Variants in R3HDM1 observed in about 807,000 individuals in gnomAD.
R3HDM1 encodes R3H domain-containing protein 1.
In R3HDM1, 46 loss-of-function variants were observed where a neutral mutation model predicts 141.1. That is an observed-to-expected ratio of 0.33 (90% CI 0.26 to 0.42). The LOEUF (loss-of-function observed/expected upper bound fraction) is 0.42. R3HDM1 is among the 10% of genes least tolerant of loss of function. The pLI is 1.00. For synonymous variants in R3HDM1, 435 were observed against 472.9 expected (o/e 0.92, Z 1.04); for missense variants, 1,184 against 1,368.3 (o/e 0.87, Z 2.12).
At chr2:135,555,215 T>C (rs1381576221) in intron 1 of R3HDM1, among the ~76,000 whole-genome samples, 1 of 151,006 alleles carries the variant, frequency 6.6e-6, no homozygotes, top group Non-Finnish European at 1.5e-5. Flanking sequence ...CAGAATTGCT[T>C]GAACCCAGGA....
intron 1 of R3HDM1, among the ~76,000 whole-genome samples, chr2:135,583,010 C>T (rs942378162): frequency 1.3e-5 from 2 of 152,250 alleles, no homozygotes; most frequent in East Asian, 1.9e-4. Context: ...CTTAACATTT[C>T]GGCACATTTG....
chr2:135,558,752 G>T (rs1242122512), intron 1 of R3HDM1, among the ~76,000 whole-genome samples: 3 of 152,110 alleles, frequency 2.0e-5, no homozygotes, highest in Non-Finnish European at 4.4e-5. Flanking sequence ...GAGATTTAGG[G>T]ATGAACATTT....
intron 1 of R3HDM1, among the ~76,000 whole-genome samples, chr2:135,598,037 G>A (rs2059335882): frequency 2.0e-5 from 3 of 152,140 alleles, no homozygotes; most frequent in Admixed American, 1.3e-4. Context: ...TTTCACTAGA[G>A]AAACTACTTG....
At chr2:135,638,401 T>C (rs1276218191) in intron 11 of R3HDM1, among the ~76,000 whole-genome samples, 2 of 152,302 alleles carry the variant, frequency 1.3e-5, no homozygotes, top group East Asian at 3.9e-4. Context: ...AGCCACAAAA[T>C]GAATAGTTTC....
intron 26 of R3HDM1, among the ~76,000 whole-genome samples, chr2:135,722,846 G>A (rs1208505212): frequency 1.3e-5 from 2 of 152,224 alleles, no homozygotes; most frequent in Middle Eastern, 3.4e-3. Flanking sequence ...TTGAGAAAGG[G>A]TTTGTCCTTA....
chr2:135,648,917 A>T, intron 16 of R3HDM1, among the ~76,000 whole-genome samples: 1 of 146,892 alleles, frequency 6.8e-6, no homozygotes, highest in African/African-American at 2.7e-5. Context: ...GTACTATCTT[A>T]ATAGAAATGT....
intron 3 of R3HDM1, among the ~76,000 whole-genome samples, chr2:135,610,015 G>A (rs980107852): frequency 6.6e-6 from 1 of 151,942 alleles, no homozygotes; most frequent in Non-Finnish European, 1.5e-5. Context: ...CTCTACTCCA[G>A]CCTGGGTGAC....
At chr2:135,634,437 G>T (rs2063056536) in intron 9 of R3HDM1, among the ~76,000 whole-genome samples, 1 of 152,044 alleles carries the variant, frequency 6.6e-6, no homozygotes, top group Admixed American at 6.6e-5. Flanking sequence ...GGTCGGGAGT[G>T]TGCAACCAGC....
At chr2:135,699,075 T>TTAGATAGATAGATAGATAGATAGA (rs59211429) in intron 21 of R3HDM1, among the ~76,000 whole-genome samples, 2,443 of 131,956 alleles carry the variant, frequency 0.019, 68 homozygotes, top group Middle Eastern at 0.034. Context: ...ATTAGATAGA[T>TTAGATAGATAGATAGATAGATAGA]TAGATAGATA....
intron 1 of R3HDM1, among the ~76,000 whole-genome samples, chr2:135,549,654 T>TA (rs1433377977): frequency 2.0e-5 from 3 of 152,000 alleles, no homozygotes; most frequent in African/African-American, 7.2e-5. Flanking sequence ...ATACCCAGCT[T>TA]ATATAGTTCC....
At chr2:135,615,043 GAAAC>G (rs1334595009) in intron 3 of R3HDM1, among the ~76,000 whole-genome samples, 1 of 152,046 alleles carries the variant, frequency 6.6e-6, no homozygotes, top group Non-Finnish European at 1.5e-5. Context: ...TTCTGTATAA[GAAAC>G]AAAGTCATTT....
At chr2:135,659,049 C>CTGTGTGTGTG (rs548436817) in intron 18 of R3HDM1, among the ~76,000 whole-genome samples, 8,305 of 126,314 alleles carry the variant, frequency 0.066, 494 homozygotes, top group East Asian at 0.24. Flanking sequence ...CTACCTGAGT[C>CTGTGTGTGTG]TGTGTGTGTG....
intron 1 of R3HDM1, among the ~76,000 whole-genome samples, chr2:135,562,084 T>TA (rs1046542344): frequency 6.6e-6 from 1 of 152,180 alleles, no homozygotes; most frequent in African/African-American, 2.4e-5. Flanking sequence ...CTAAAGGAAT[T>TA]AGAGATACTT....
intron 1 of R3HDM1, among the ~76,000 whole-genome samples, chr2:135,554,209 A>G (rs1224477107): frequency 6.6e-6 from 1 of 152,086 alleles, no homozygotes; most frequent in Non-Finnish European, 1.5e-5. Flanking sequence ...AGCAACCACT[A>G]CTTTTCTGTC....
intron 1 of R3HDM1, among the ~76,000 whole-genome samples, chr2:135,562,177 A>C (rs1273757441): frequency 1.5e-4 from 23 of 152,202 alleles, no homozygotes; most frequent in Non-Finnish European, 5.9e-5. Flanking sequence ...TTCTTTCTCT[A>C]TCTTCACAGC....
chr2:135,679,932 T>C (rs1290466218), intron 20 of R3HDM1, among the ~76,000 whole-genome samples: 1 of 151,964 alleles, frequency 6.6e-6, no homozygotes, highest in Non-Finnish European at 1.5e-5. Flanking sequence ...ATACAAAAAT[T>C]AGCCAGGCAT....
At chr2:135,714,517 C>T (rs2075970316) in intron 23 of R3HDM1, among the ~76,000 whole-genome samples, 1 of 152,134 alleles carries the variant, frequency 6.6e-6, no homozygotes, top group Non-Finnish European at 1.5e-5. Context: ...TGAAGGGAAA[C>T]ATTTTTCTTA....
chr2:135,561,214 C>T (rs879713901), intron 1 of R3HDM1: 1 of 681,428 alleles, frequency 1.5e-6, no homozygotes, highest in Non-Finnish European at 1.8e-6. Context: ...TGTGAGATGA[C>T]CTGTTCCATT....
At chr2:135,666,048 T>C (rs1048800380) in intron 19 of R3HDM1, among the ~76,000 whole-genome samples, 3 of 152,226 alleles carry the variant, frequency 2.0e-5, no homozygotes, top group African/African-American at 7.2e-5. Flanking sequence ...GTCTTAGCTT[T>C]CCAGATAACC....
Sources: gnomAD v4.1 joint callset for allele counts (sites outside exome capture counted in the v4.1 genomes callset) on GRCh38, gnomAD v4.1.1 for gene constraint, MANE v1.5 for transcripts, NCBI Gene and HGNC (gene_info 2026-07-23, HGNC 2026-07-21) for gene names.